Variants in NEDD9 observed in about 807,000 individuals in gnomAD.
NEDD9 encodes neural precursor cell expressed, developmentally down-regulated 9, also known as enhancer of filamentation 1.
NEDD9 carries 26 observed loss-of-function variants against 76.6 expected under a neutral mutation model. The observed-to-expected ratio is 0.34, with a 90% CI of 0.25 to 0.47. The LOEUF (loss-of-function observed/expected upper bound fraction) is 0.47, where lower values mean the gene tolerates loss of function less well. Among genes scored for constraint, NEDD9 ranks in the 20% least tolerant of loss-of-function variants. The pLI is 1.00. For synonymous variants in NEDD9, 392 were observed against 414.2 expected (o/e 0.95, Z 0.65); for missense variants, 937 against 1,058.5 (o/e 0.89, Z 1.59).
chr6:11,305,863 C>T, intron 3 of NEDD9: 1 of 1,139,756 alleles, frequency 8.8e-7, no homozygotes, highest in Non-Finnish European at 1.3e-6. Context: ...ACAGTATTTT[C>T]CCCAAATGTT....
intron 1 of NEDD9, among the ~76,000 whole-genome samples, chr6:11,335,064 T>G (rs1762127952): frequency 6.6e-6 from 1 of 152,180 alleles, no homozygotes; most frequent in Non-Finnish European, 1.5e-5. Flanking sequence ...TCTTTGGCAT[T>G]TGAAGCAAAT....
At position 11,355,854 on chromosome 6, in the gene NEDD9, G is replaced by A. The variant is rs551875354; in HGVS notation, c.-213-21293C>T. Reference sequence around the variant, plus strand: ...TCCTGCCTCAGCCTCCCCAGTAGCTGGGACTACAGGCACCCGCCACCACGC... The same window carrying A: ...TCCTGCCTCAGCCTCCCCAGTAGCTAGGACTACAGGCACCCGCCACCACGC... On this transcript the variant is annotated intron_variant, in intron 1 of 3. Coordinates refer to the NEDD9 transcript ENST00000397378. 1.4e-4 allele frequency among the ~76,000 whole-genome samples: 22 copies of A among 152,170 alleles called. No homozygotes were observed. In the South Asian group the frequency reaches 4.4e-3, roughly 30 times the overall value.
intron 1 of NEDD9, among the ~76,000 whole-genome samples, chr6:11,351,308 G>T (rs144763754): frequency 6.6e-6 from 1 of 152,152 alleles, no homozygotes; most frequent in East Asian, 1.9e-4. Context: ...GAAGTTCAAG[G>T]CCTGGAGCAG....
At chr6:11,318,840 T>C (rs1761661469) in intron 2 of NEDD9, among the ~76,000 whole-genome samples, 1 of 152,184 alleles carries the variant, frequency 6.6e-6, no homozygotes, top group South Asian at 2.1e-4. Context: ...AAAAAAATTG[T>C]TTTACTCTAA....
At chr6:11,376,095 A>T (rs1462788252) in intron 1 of NEDD9, among the ~76,000 whole-genome samples, 1 of 152,168 alleles carries the variant, frequency 6.6e-6, no homozygotes, top group Non-Finnish European at 1.5e-5. Flanking sequence ...AAGTGCTGGG[A>T]TTACTGGCGT....
chr6:11,191,604 A>G (rs1017468940), intron 4 of NEDD9, among the ~76,000 whole-genome samples: 1 of 152,186 alleles, frequency 6.6e-6, no homozygotes, highest in Non-Finnish European at 1.5e-5. Flanking sequence ...TCTGAAACAC[A>G]GTCCCCTTGT....
chr6:11,258,548 C>A (rs1760049239), intron 3 of NEDD9: 1 of 151,858 alleles, frequency 6.6e-6, no homozygotes, highest in Non-Finnish European at 1.5e-5. Flanking sequence ...TCTTTGGAAG[C>A]CAATTTATCG....
intron 3 of NEDD9, among the ~76,000 whole-genome samples, chr6:11,294,459 C>A (rs1184811890): frequency 2.0e-5 from 3 of 152,066 alleles, no homozygotes; most frequent in African/African-American, 7.2e-5. Flanking sequence ...GCACTTCCCC[C>A]TTTGCTCTCT....
intron 2 of NEDD9, among the ~76,000 whole-genome samples, chr6:11,211,815 C>T (rs1758794629): frequency 6.6e-6 from 1 of 152,150 alleles, no homozygotes; most frequent in African/African-American, 2.4e-5. Context: ...CTTTTTATAT[C>T]AAAGGTGATT....
chr6:11,191,477 C>T (rs1758143607), intron 4 of NEDD9, among the ~76,000 whole-genome samples: 1 of 152,162 alleles, frequency 6.6e-6, no homozygotes, highest in Non-Finnish European at 1.5e-5. Flanking sequence ...TTCTGACCAC[C>T]TCCTGGGTAT....
intron 2 of NEDD9, among the ~76,000 whole-genome samples, chr6:11,311,073 C>A (rs544502925): frequency 6.6e-6 from 1 of 152,268 alleles, no homozygotes; most frequent in South Asian, 2.1e-4. Context: ...CCAGCAGTCA[C>A]CCCTTTCCTT....
intron 1 of NEDD9, among the ~76,000 whole-genome samples, chr6:11,366,634 A>G (rs1229840920): frequency 6.6e-6 from 1 of 152,208 alleles, no homozygotes; most frequent in Non-Finnish European, 1.5e-5. Flanking sequence ...TTGAAGTAAG[A>G]TGCATTTTAG....
chr6:11,220,097 G>C (rs1759095453), intron 1 of NEDD9, among the ~76,000 whole-genome samples: 2 of 152,102 alleles, frequency 1.3e-5, no homozygotes, highest in African/African-American at 4.8e-5. Context: ...CTTTTCACTA[G>C]GTGAGCTGAA....
intron 2 of NEDD9, among the ~76,000 whole-genome samples, chr6:11,306,939 G>A (rs983840268): frequency 6.6e-6 from 1 of 152,144 alleles, no homozygotes; most frequent in Non-Finnish European, 1.5e-5. Context: ...GTTTTGAGAT[G>A]GTGTGTGTGT....
At chr6:11,227,101 C>A (rs1406436729) in intron 1 of NEDD9, among the ~76,000 whole-genome samples, 1 of 152,092 alleles carries the variant, frequency 6.6e-6, no homozygotes, top group East Asian at 1.9e-4. Flanking sequence ...AATACTGAGT[C>A]CAATGAACAA....
At chr6:11,231,068 G>T (rs1238684251) in intron 1 of NEDD9, among the ~76,000 whole-genome samples, 17 of 152,158 alleles carry the variant, frequency 1.1e-4, no homozygotes, top group Non-Finnish European at 1.5e-5. Context: ...GTCACTCCAG[G>T]CTGAGTAATA....
chr6:11,264,021 T>A (rs1357379875), intron 3 of NEDD9, among the ~76,000 whole-genome samples: 2 of 152,168 alleles, frequency 1.3e-5, no homozygotes, highest in Admixed American at 1.3e-4. Context: ...GTCCTCATCT[T>A]TAAAATAGGG....
intron 1 of NEDD9, among the ~76,000 whole-genome samples, chr6:11,226,138 C>T (rs1043249248): frequency 1.3e-5 from 2 of 152,194 alleles, no homozygotes; most frequent in African/African-American, 4.8e-5. Context: ...TGCAGGCTGT[C>T]ATGTTCCCTA....
At chr6:11,366,435 A>AAGAAAGAAAAAAGAAAGGAAGAT (rs1762772382) in intron 1 of NEDD9, among the ~76,000 whole-genome samples, 1 of 151,728 alleles carries the variant, frequency 6.6e-6, no homozygotes, top group Non-Finnish European at 1.5e-5. Flanking sequence ...GAAAGGAAGA[A>AAGAAAGAAAAAAGAAAGGAAGAT]AGAAAGAAAA....
Sources: gnomAD v4.1 joint callset for allele counts (sites outside exome capture counted in the v4.1 genomes callset) on GRCh38, gnomAD v4.1.1 for gene constraint, MANE v1.5 for transcripts, NCBI Gene and HGNC (gene_info 2026-07-23, HGNC 2026-07-21) for gene names.